RPH3A: variants seen among roughly 807,000 people sequenced by gnomAD.
RPH3A encodes the protein rabphilin 3A.
A neutral mutation model predicts 102.2 loss-of-function variants in RPH3A; 48 were observed. The observed-to-expected ratio is 0.47, with a 90% CI of 0.37 to 0.60. The LOEUF (loss-of-function observed/expected upper bound fraction) is 0.60, where lower values mean the gene tolerates loss of function less well. Ranked by LOEUF, RPH3A falls within the 20% of genes least tolerant of loss-of-function variation. The pLI is 0.00. For synonymous variants in RPH3A, 310 were observed against 324.3 expected, an observed-to-expected ratio of 0.96 and a Z score of 0.47; for missense variants, 781 against 910.1, an observed-to-expected ratio of 0.86 and a Z score of 1.83.
chr12:112,777,893 G>C (rs191584674), intron 1 of RPH3A, among the ~76,000 whole-genome samples: 139 of 152,290 alleles, frequency 9.1e-4, no homozygotes, highest in African/African-American at 3.3e-3. Context: ...TGGAGCTTCT[G>C]TTTATTGACA....
At chr12:112,861,280 T>A (rs2042508409) in intron 5 of RPH3A, among the ~76,000 whole-genome samples, 1 of 152,146 alleles carries the variant, frequency 6.6e-6, no homozygotes, top group South Asian at 2.1e-4. Context: ...AAATCAAGAT[T>A]TGTCAACCGC....
chr12:112,729,708 A>G (rs972488443), intron 1 of RPH3A, among the ~76,000 whole-genome samples: 5 of 152,226 alleles, frequency 3.3e-5, no homozygotes, highest in Admixed American at 3.3e-4. Context: ...AGTTTTACCC[A>G]TACCACTGGC....
chr12:112,747,785 A>G lies in RPH3A; in HGVS notation c.-139-44358A>G, dbSNP rs537659438. On this transcript the variant is annotated intron_variant, in intron 1 of 21. Transcript: ENST00000543106. ...AATGATCCGAAGGCATCAGGAATAT[A>G]GAAGTTTATTTCTTTTATGTGAAAC... Among the ~76,000 whole-genome samples the G allele has an allele frequency of 1.0e-3, 153 of 152,332 alleles. 2 individuals are homozygous for G. The highest frequency in any genetic ancestry group is 3.4e-3 in the African/African-American group (142 of 41,566).
chr12:112,865,969 C>G (rs2042604674), intron 6 of RPH3A, among the ~76,000 whole-genome samples: 1 of 152,180 alleles, frequency 6.6e-6, no homozygotes, highest in Non-Finnish European at 1.5e-5. Context: ...ACTTAGAAAG[C>G]CAAGTTAGAA....
chr12:112,633,573 T>C (rs1189844064), intron 1 of RPH3A, among the ~76,000 whole-genome samples: 1 of 152,184 alleles, frequency 6.6e-6, no homozygotes, highest in Non-Finnish European at 1.5e-5. Flanking sequence ...GATGGGACTC[T>C]GCAGAGAGTC....
intron 2 of RPH3A, among the ~76,000 whole-genome samples, chr12:112,815,014 C>T (rs1019011373): frequency 2.6e-5 from 4 of 152,124 alleles, no homozygotes; most frequent in Non-Finnish European, 5.9e-5. Context: ...TAAGTGGATG[C>T]GGGAGAGAAA....
chr12:112,672,434 A>G (rs1322657703), intron 1 of RPH3A, among the ~76,000 whole-genome samples: 2 of 152,360 alleles, frequency 1.3e-5, no homozygotes, highest in East Asian at 3.9e-4. Context: ...TGGCCTAGCC[A>G]TCACAGGCTT....
chr12:112,828,252 G>A, intron 2 of RPH3A, 49 bp from the exon 3 acceptor site: 6 of 1,262,318 alleles, frequency 4.8e-6, no homozygotes, highest in Non-Finnish European at 6.9e-6. Flanking sequence ...GGGAACTAAG[G>A]AGTGGCTGAA....
chr12:112,702,701 C>A (rs565639379), intron 1 of RPH3A, among the ~76,000 whole-genome samples: 1 of 152,300 alleles, frequency 6.6e-6, no homozygotes, highest in Non-Finnish European at 1.5e-5. Flanking sequence ...CTTGTAGGAG[C>A]CTTTGCTAAA....
intron 1 of RPH3A, among the ~76,000 whole-genome samples, chr12:112,608,313 A>G (rs2039614246): frequency 6.6e-6 from 1 of 151,790 alleles, no homozygotes; most frequent in African/African-American, 2.4e-5. Context: ...ATGGGGTTTC[A>G]CCATGTTGGC....
chr12:112,749,809 T>C (rs1003363270), intron 1 of RPH3A, among the ~76,000 whole-genome samples: 4 of 152,240 alleles, frequency 2.6e-5, no homozygotes, highest in African/African-American at 9.6e-5. Context: ...ATAGTTTGTT[T>C]ATAGCAAATG....
intron 21 of RPH3A, 127 bp downstream of exon 21, chr12:112,896,000 A>C (rs2043173417): frequency 1.5e-6 from 1 of 648,804 alleles, no homozygotes; most frequent in Non-Finnish European, 2.7e-6. Context: ...TCAAATGCTA[A>C]ATTGAGACCC....
chr12:112,781,678 T>C (rs2041008804), intron 1 of RPH3A, among the ~76,000 whole-genome samples: 1 of 152,176 alleles, frequency 6.6e-6, no homozygotes, highest in African/African-American at 2.4e-5. Flanking sequence ...GCCCTTTTCA[T>C]CCATTCATTC....
At chr12:112,827,735 C>G (rs938455924) in intron 2 of RPH3A, among the ~76,000 whole-genome samples, 10 of 151,932 alleles carry the variant, frequency 6.6e-5, no homozygotes, top group African/African-American at 2.4e-4. Flanking sequence ...ACATCACACA[C>G]CGGGGCCTAT....
intron 1 of RPH3A, among the ~76,000 whole-genome samples, chr12:112,744,905 C>T (rs117663347): frequency 8.8e-4 from 134 of 152,304 alleles, no homozygotes; most frequent in South Asian, 1.9e-3. Flanking sequence ...TCTTACATTG[C>T]CACAGTTCAG....
chr12:112,693,740 C>T (rs978718923), intron 1 of RPH3A, among the ~76,000 whole-genome samples: 5 of 152,142 alleles, frequency 3.3e-5, no homozygotes, highest in Admixed American at 1.3e-4. Flanking sequence ...TAGTGATGCC[C>T]CCTGCTCCTC....
At chr12:112,727,397 A>G (rs1170207555) in intron 1 of RPH3A, among the ~76,000 whole-genome samples, 8 of 131,028 alleles carry the variant, frequency 6.1e-5, no homozygotes, top group Non-Finnish European at 1.2e-4. Context: ...CCTCAAAAAA[A>G]AAAAAAAAAA....
Position 112,853,120 on chromosome 12 carries a change from T to C in RPH3A, c.230+5278T>C, listed in dbSNP as rs556296363. Among the ~76,000 whole-genome samples, 95 of 152,326 alleles carry C rather than the reference T, an allele frequency of 6.2e-4. 1 individual carries two copies. The highest frequency in any genetic ancestry group is 2.2e-3 in the African/African-American group (93 of 41,584). ...CACCTTCCCCTGTGTTTTTGGCATATATTTTTTCCAAAATATGGACAGAGG... is the reference window on the plus strand; with the variant it reads ...CACCTTCCCCTGTGTTTTTGGCATACATTTTTTCCAAAATATGGACAGAGG... On this transcript the variant is annotated intron_variant, in intron 5 of 21. Coordinates refer to ENST00000389385, the MANE Select transcript of RPH3A (RefSeq NM_001143854.2).
intron 1 of RPH3A, among the ~76,000 whole-genome samples, chr12:112,731,187 T>C: frequency 1.0e-5 from 1 of 95,762 alleles, no homozygotes; most frequent in South Asian, 4.0e-4. Context: ...TTTCATTTGA[T>C]GGTGTGTGTG....
Sources: gnomAD v4.1 joint callset for allele counts (sites outside exome capture counted in the v4.1 genomes callset) on GRCh38, gnomAD v4.1.1 for gene constraint, MANE v1.5 for transcripts, NCBI Gene and HGNC (gene_info 2026-07-23, HGNC 2026-07-21) for gene names.